LAMB1: variants seen among roughly 807,000 people sequenced by gnomAD.
The protein encoded by LAMB1 is laminin subunit beta 1.
A neutral mutation model predicts 222.3 loss-of-function variants in LAMB1; 121 were observed. The ratio of observed to expected loss-of-function variants is 0.54; its 90% CI spans 0.47 to 0.63. The LOEUF is 0.63. Among genes scored for constraint, LAMB1 ranks in the 30% least tolerant of loss-of-function variants. The pLI is 0.00. For synonymous variants in LAMB1, 794 were observed against 807.2 expected, an observed-to-expected ratio of 0.98 and a Z score of 0.28; for missense variants, 2,172 against 2,240.8, an observed-to-expected ratio of 0.97 and a Z score of 0.62.
chr7:107,965,260 C>T (rs902692326), intron 13 of LAMB1, among the ~76,000 whole-genome samples: 6 of 152,206 alleles, frequency 3.9e-5, no homozygotes, highest in Non-Finnish European at 7.3e-5. Context: ...TCTCTTCCCC[C>T]TTTCCATTGG....
chr7:107,999,565 G>A (rs970104858), intron 3 of LAMB1, among the ~76,000 whole-genome samples: 1 of 152,112 alleles, frequency 6.6e-6, no homozygotes, highest in African/African-American at 2.4e-5. Flanking sequence ...CTGGCAAGAT[G>A]TACTGTCTAA....
chr7:107,991,255 T>A (rs1261682180), intron 5 of LAMB1, among the ~76,000 whole-genome samples: 1 of 152,104 alleles, frequency 6.6e-6, no homozygotes, highest in African/African-American at 2.4e-5. Context: ...AGTGGCAAAT[T>A]TTGGCAAGAA....
At chr7:107,988,516 G>A (rs2034123949) in intron 5 of LAMB1, among the ~76,000 whole-genome samples, 1 of 152,182 alleles carries the variant, frequency 6.6e-6, no homozygotes, top group Non-Finnish European at 1.5e-5. Flanking sequence ...GTATCAACCA[G>A]GGGCTAGACA....
chr7:107,968,827 A>G (rs930554478), intron 13 of LAMB1, among the ~76,000 whole-genome samples: 3 of 152,234 alleles, frequency 2.0e-5, no homozygotes, highest in East Asian at 3.8e-4. Context: ...CCCTACCAAC[A>G]TCGTGATTTT....
chr7:107,990,036 TG>T (rs201677132), intron 5 of LAMB1, among the ~76,000 whole-genome samples: 1,980 of 150,950 alleles, frequency 0.013, 50 homozygotes, highest in African/African-American at 0.045. Context: ...TGTTTTTTTT[TG>T]TTTGTTTGTT....
intron 13 of LAMB1, among the ~76,000 whole-genome samples, chr7:107,965,003 C>T (rs1268950245): frequency 6.6e-6 from 1 of 152,166 alleles, no homozygotes; most frequent in Non-Finnish European, 1.5e-5. Context: ...TTGCTTATTT[C>T]CTGAGATTTA....
chr7:107,988,138 A>G (rs950097917), intron 5 of LAMB1, among the ~76,000 whole-genome samples: 28 of 152,220 alleles, frequency 1.8e-4, no homozygotes, highest in African/African-American at 6.8e-4. Flanking sequence ...GTGACAGAAG[A>G]CTCTATTGAA....
chr7:107,936,751 A>G (rs1028486842), intron 26 of LAMB1, among the ~76,000 whole-genome samples: 1 of 152,192 alleles, frequency 6.6e-6, no homozygotes, highest in African/African-American at 2.4e-5. Context: ...TTGCAGAAGT[A>G]TTAATACCTT....
At position 107,938,954 on chromosome 7, in the gene LAMB1, G is replaced by A. The variant is rs75718596; in HGVS notation, c.3761+1035C>T. On this transcript the variant is annotated intron_variant, in intron 25 of 33. Transcript: ENST00000222399. ...AGCTGTCCTCTGCTACTCATGCCTG[G>A]TATGAGATGAAAAGTCCCTCTGGCT... Among the ~76,000 whole-genome samples the A allele has an allele frequency of 5.5e-3, 836 of 152,258 alleles. 4 individuals carry two copies. Among genetic ancestry groups the A allele is most frequent in the Non-Finnish European group, 9.7e-3 (657 of 68,016 alleles).
chr7:107,968,279 T>A (rs763581397), intron 13 of LAMB1, among the ~76,000 whole-genome samples: 3 of 152,182 alleles, frequency 2.0e-5, no homozygotes, highest in Non-Finnish European at 2.9e-5. Flanking sequence ...AAATGGCACA[T>A]CTTAGATTCT....
intron 24 of LAMB1, 128 bp downstream of exon 24, chr7:107,951,098 G>T: frequency 1.6e-6 from 1 of 640,564 alleles, no homozygotes; most frequent in Non-Finnish European, 2.8e-6. Flanking sequence ...AATTTATTTT[G>T]CAATTAAATA....
chr7:107,975,343 A>AC lies in LAMB1; in HGVS notation c.1259dup (p.Leu421SerfsTer9). 6.2e-7 allele frequency: 1 copy of AC among 1,613,864 alleles called. No homozygotes were observed. The highest frequency in any genetic ancestry group is 2.2e-5 in the East Asian group (1 of 44,882). ...TACACCGACACTGGCCAGCAATGAG[A>AC]CCAGTAGAAAAATCAGTATAGCTGT... is the stretch of plus-strand genomic sequence containing the variant. On this transcript the variant is annotated frameshift_variant, in exon 11 of 34. Coordinates refer to ENST00000222399, the MANE Select transcript of LAMB1 (RefSeq NM_002291.3). LOFTEE classifies it high-confidence loss of function.
intron 32 of LAMB1, 91 bp downstream of exon 32, chr7:107,926,092 T>A: frequency 1.1e-6 from 1 of 905,548 alleles, no homozygotes; most frequent in East Asian, 2.4e-5. Context: ...TCTGTTTCTG[T>A]TAGGTCCATG....
intron 22 of LAMB1, among the ~76,000 whole-genome samples, 171 bp downstream of exon 22, chr7:107,953,359 T>TA (rs11368241): frequency 9.0e-4 from 129 of 143,904 alleles, no homozygotes; most frequent in Middle Eastern, 3.5e-3. Flanking sequence ...TCTGTCTCAT[T>TA]AAAAAAAAAA....
chr7:107,975,516 G>C, intron 10 of LAMB1, 103 bp from the exon 11 acceptor site: 1 of 1,304,502 alleles, frequency 7.7e-7, no homozygotes, highest in Non-Finnish European at 1.0e-6. Flanking sequence ...CACAAAAGTC[G>C]ACTAAAAGCA....
At position 107,953,727 on chromosome 7, in the gene LAMB1, C is replaced by A; in HGVS notation, c.2882G>T (p.Gly961Val). ...AACTTCTGATGGATTGCCAAAGTAT[C>A]CTGAGGCACAGTCGTCACATCTGGA... ...IGSRCDDCASGYFGNPSEVGG... is the reference protein window; with the variant it reads ...IGSRCDDCASVYFGNPSEVGG... Residue 961 changes from glycine (G) to valine (V), a missense_variant, in exon 22 of 34, where the codon GGA becomes GTA. Transcript: ENST00000222399. The A allele has an allele frequency of 6.2e-7, 1 of 1,614,138 alleles. No individual in the cohort carries two copies. The highest frequency in any genetic ancestry group is 1.1e-5 in the South Asian group (1 of 91,078).
rs575538340 is a variant in LAMB1, at chr7:107,963,222, T to C, written c.1699-159A>G. 1.2e-4 allele frequency among the ~76,000 whole-genome samples: 19 copies of C among 152,320 alleles called. No homozygotes were observed. In the East Asian group the frequency reaches 1.9e-3, roughly 15 times the overall value. ...CTCCCCTAATAGATTGTAAAAAGTT[T>C]CTGATATCCAAACAGGAAACTGGTT... is the stretch of plus-strand genomic sequence containing the variant. On this transcript the variant is annotated intron_variant, in intron 14 of 33. Transcript: ENST00000222399.
intron 13 of LAMB1, among the ~76,000 whole-genome samples, chr7:107,972,232 T>C (rs978558139): frequency 1.3e-5 from 2 of 152,184 alleles, no homozygotes; most frequent in African/African-American, 4.8e-5. Flanking sequence ...AGCAGACTAC[T>C]ATGGTGTTGG....
intron 4 of LAMB1, among the ~76,000 whole-genome samples, chr7:107,997,967 T>G (rs1298940709): frequency 6.6e-6 from 1 of 151,576 alleles, no homozygotes; most frequent in Non-Finnish European, 1.5e-5. Flanking sequence ...GGGGGAGGAG[T>G]GGGGGCTATG....
Sources: allele counts gnomAD v4.1 joint callset (sites outside exome capture counted in the v4.1 genomes callset), GRCh38; gene constraint gnomAD v4.1.1; transcripts MANE v1.5; gene names NCBI Gene and HGNC (gene_info 2026-07-23, HGNC 2026-07-21).